Variants in MEI4 observed in about 807,000 individuals in gnomAD.
MEI4 encodes meiosis-specific protein MEI4.
MEI4 carries 27 observed loss-of-function variants against 31.4 expected under a neutral mutation model. The observed-to-expected ratio is 0.86, with a 90% CI of 0.63 to 1.19. The LOEUF (loss-of-function observed/expected upper bound fraction) is 1.19. Among genes scored for constraint, MEI4 ranks in the 50% most tolerant of loss-of-function variants. The probability of loss-of-function intolerance (pLI) is 0.00; values close to 1 mark genes in which losing one functional copy is unlikely to be tolerated. For missense variants in MEI4, 329 were observed against 398.9 expected (o/e 0.82, Z 1.49); for synonymous variants, 122 against 145.4 (o/e 0.84, Z 1.16).
At chr6:77,653,489 A>T (rs940321702) in intron 1 of MEI4, among the ~76,000 whole-genome samples, 1 of 152,180 alleles carries the variant, frequency 6.6e-6, no homozygotes, top group Admixed American at 6.5e-5. Flanking sequence ...ATCCACTCAT[A>T]TATCTTCAGG....
intron 3 of MEI4, among the ~76,000 whole-genome samples, chr6:77,799,377 T>C (rs1293913718): frequency 2.0e-5 from 3 of 152,186 alleles, no homozygotes; most frequent in Admixed American, 1.3e-4. Flanking sequence ...GAGTTCATTG[T>C]AGATTCTGGA....
intron 4 of MEI4, among the ~76,000 whole-genome samples, chr6:77,902,271 G>T (rs1372248723): frequency 1.3e-5 from 2 of 151,944 alleles, no homozygotes; most frequent in South Asian, 2.1e-4. Flanking sequence ...GATAGAAATT[G>T]TATTGAATCT....
chr6:77,787,543 A>T (rs1467861360), intron 3 of MEI4, among the ~76,000 whole-genome samples: 2 of 152,134 alleles, frequency 1.3e-5, no homozygotes, highest in Non-Finnish European at 2.9e-5. Flanking sequence ...CAGCCCAGGG[A>T]TCCAACAAGA....
chr6:77,706,496 T>G (rs746262592), intron 2 of MEI4, among the ~76,000 whole-genome samples: 1 of 152,198 alleles, frequency 6.6e-6, no homozygotes, highest in Non-Finnish European at 1.5e-5. Context: ...GGTTGTCAAT[T>G]CCAAAGGCTC....
intron 4 of MEI4, among the ~76,000 whole-genome samples, chr6:77,883,719 T>TAGATATATATATAG (rs1034247587): frequency 7.5e-6 from 1 of 133,542 alleles, no homozygotes; most frequent in Non-Finnish European, 1.6e-5. Flanking sequence ...TTATGTAAGA[T>TAGATATATATATAG]ATATATATAT....
At chr6:77,701,111 A>G (rs1057510119) in intron 2 of MEI4, among the ~76,000 whole-genome samples, 1 of 152,108 alleles carries the variant, frequency 6.6e-6, no homozygotes, top group African/African-American at 2.4e-5. Context: ...TTTTCTTTAT[A>G]AAAGATTACT....
intron 4 of MEI4, among the ~76,000 whole-genome samples, chr6:77,918,234 T>A (rs1214319260): frequency 6.6e-6 from 1 of 151,918 alleles, no homozygotes; most frequent in Non-Finnish European, 1.5e-5. Flanking sequence ...TGGCTTAGGA[T>A]TGACTTGGCG....
At chr6:77,828,435 C>A (rs554142564) in intron 3 of MEI4, among the ~76,000 whole-genome samples, 1 of 152,144 alleles carries the variant, frequency 6.6e-6, no homozygotes, top group South Asian at 2.1e-4. Flanking sequence ...CTAGGTTGCA[C>A]ACTTCTTGTG....
rs113565053 is a variant in MEI4, at chr6:77,691,508, C to T, written c.232+605C>T. Among the ~76,000 whole-genome samples the T allele has an allele frequency of 1.6e-3, 248 of 152,098 alleles. 2 individuals are homozygous for T. The highest frequency in any genetic ancestry group is 5.6e-3 in the African/African-American group (232 of 41,514). The stretch of plus-strand genomic sequence containing the variant: ...CAGAACATCCAGTAAGATGCAGGAG[C>T]GTGTGCAAAGGCACTGGAGTGGAGA... On this transcript the variant is annotated intron_variant, in intron 2 of 4. Coordinates refer to ENST00000684080, the MANE Select transcript of MEI4 (RefSeq NM_001322247.2).
intron 4 of MEI4, among the ~76,000 whole-genome samples, chr6:77,855,208 G>A (rs1018035164): frequency 6.6e-6 from 1 of 152,078 alleles, no homozygotes; most frequent in Non-Finnish European, 1.5e-5. Flanking sequence ...AGCCAGGCAT[G>A]GTGGTGGGTG....
rs180731808 is a variant in MEI4, at chr6:77,712,748, G to T, written c.232+21845G>T. 1.4e-4 allele frequency among the ~76,000 whole-genome samples: 21 copies of T among 152,182 alleles called. No individual in the cohort carries two copies. In the East Asian group the frequency reaches 3.3e-3, roughly 24 times the overall value. On this transcript the variant is annotated intron_variant, in intron 2 of 4. Transcript: ENST00000684080. ...GCACTTTGGGAGGCTAAGGCAGGTG[G>T]ATCACGAGGTCAGGAGATGGAGACC...
chr6:77,771,885 T>G (rs1248903335), intron 3 of MEI4, among the ~76,000 whole-genome samples: 1 of 152,006 alleles, frequency 6.6e-6, no homozygotes, highest in Non-Finnish European at 1.5e-5. Flanking sequence ...CAAACCTCCA[T>G]GACATGAGTT....
chr6:77,899,763 C>T (rs1286532820), intron 4 of MEI4, among the ~76,000 whole-genome samples: 1 of 152,046 alleles, frequency 6.6e-6, no homozygotes, highest in Non-Finnish European at 1.5e-5. Flanking sequence ...TGTTTTATGA[C>T]TGAATAGTAT....
At position 77,740,979 on chromosome 6, in the gene MEI4, T is replaced by G. The variant is rs114534993; in HGVS notation, c.233-20151T>G. 7.8e-3 allele frequency among the ~76,000 whole-genome samples: 1,185 copies of G among 152,142 alleles called. 17 individuals carry two copies. The highest frequency in any genetic ancestry group is 0.027 in the African/African-American group (1,136 of 41,500). Reference sequence around the variant, plus strand: ...TAAAACAGGTTAATGAGTACAGTAATATAATTATATGTAAGGTACAAGATA... The same window carrying G: ...TAAAACAGGTTAATGAGTACAGTAAGATAATTATATGTAAGGTACAAGATA... On this transcript the variant is annotated intron_variant, in intron 2 of 4. Coordinates refer to ENST00000684080, the MANE Select transcript of MEI4 (RefSeq NM_001322247.2).
At chr6:77,883,745 A>T (rs9361306) in intron 4 of MEI4, among the ~76,000 whole-genome samples, 4,372 of 81,274 alleles carry the variant, frequency 0.054, 190 homozygotes, top group Admixed American at 0.077. Context: ...TATATATATA[A>T]CTTTGTCTTT....
intron 2 of MEI4, among the ~76,000 whole-genome samples, chr6:77,698,130 T>A (rs1316018014): frequency 2.0e-5 from 3 of 152,188 alleles, no homozygotes; most frequent in Non-Finnish European, 2.9e-5. Flanking sequence ...TAGATCTTCC[T>A]CCATCCCTTT....
intron 3 of MEI4, among the ~76,000 whole-genome samples, chr6:77,815,221 TCTG>T (rs1279071281): frequency 6.6e-6 from 1 of 152,078 alleles, no homozygotes; most frequent in African/African-American, 2.4e-5. Context: ...CTTTCTTTCT[TCTG>T]AGGGTTATAT....
At chr6:77,733,815 C>T (rs1767090855) in intron 2 of MEI4, among the ~76,000 whole-genome samples, 1 of 151,988 alleles carries the variant, frequency 6.6e-6, no homozygotes, top group African/African-American at 2.4e-5. Flanking sequence ...CCCAGAGATT[C>T]TGGTATGTTG....
chr6:77,895,591 A>G (rs1403089235), intron 4 of MEI4, among the ~76,000 whole-genome samples: 1 of 152,048 alleles, frequency 6.6e-6, no homozygotes, highest in Non-Finnish European at 1.5e-5. Flanking sequence ...TTCCCTTTAG[A>G]GTTCTTTTAT....
Sources: allele counts gnomAD v4.1 joint callset (sites outside exome capture counted in the v4.1 genomes callset), GRCh38; gene constraint gnomAD v4.1.1; transcripts MANE v1.5; gene names NCBI Gene and HGNC (gene_info 2026-07-23, HGNC 2026-07-21).